ING5: variants seen among roughly 807,000 people sequenced by gnomAD.
ING5 encodes inhibitor of growth protein 5.
In ING5, 17 loss-of-function variants were observed where a neutral mutation model predicts 37.4. That is an observed-to-expected ratio of 0.45 (90% confidence interval 0.31 to 0.68). The LOEUF is 0.68. Among genes scored for constraint, ING5 ranks in the 30% least tolerant of loss-of-function variants. The pLI is 0.05. For synonymous variants in ING5, 123 were observed against 116.6 expected (o/e 1.06, Z -0.36); for missense variants, 233 against 311.9 (o/e 0.75, Z 1.91).
chr2:241,719,557 T>C (rs537299709), intron 5 of ING5: 1 of 1,536,150 alleles, frequency 6.5e-7, no homozygotes, highest in East Asian at 2.4e-5. Context: ...GTGCCTTTTC[T>C]GCGTGAAAGT....
chr2:241,693,878 C>T (rs1044888209), intron 2 of ING5, among the ~76,000 whole-genome samples: 2 of 150,850 alleles, frequency 1.3e-5, no homozygotes, highest in Admixed American at 6.6e-5. Flanking sequence ...AGGCTGGTCT[C>T]GAACTCCTGA....
At chr2:241,690,894 C>A (rs147840906) in intron 2 of ING5, among the ~76,000 whole-genome samples, 1 of 151,706 alleles carries the variant, frequency 6.6e-6, no homozygotes, top group Non-Finnish European at 1.5e-5. Context: ...GCAACATCCA[C>A]CTCCTAGGTT....
exon 1 of ING5, chr2:241,687,288 G>T (rs2069452199): frequency 2.5e-6 from 1 of 398,384 alleles, no homozygotes; most frequent in South Asian, 1.3e-4. Flanking sequence ...GAACGAGCGA[G>T]ATGCTTCCCG....
chr2:241,699,420 AGCTT>A (rs1467932077), upstream of ING5, among the ~76,000 whole-genome samples: 1 of 152,062 alleles, frequency 6.6e-6, no homozygotes, highest in African/African-American at 2.4e-5. Context: ...AGGGGGACAT[AGCTT>A]GTTTTTTTAG....
At chr2:241,702,451 CGGCCCCGCCA>C (rs1209751881) in intron 1 of ING5, among the ~76,000 whole-genome samples, 1 of 151,988 alleles carries the variant, frequency 6.6e-6, no homozygotes, top group Non-Finnish European at 1.5e-5. Context: ...GCTCCGGCCC[CGGCCCCGCCA>C]GGTCCCGCCC....
upstream of ING5, among the ~76,000 whole-genome samples, chr2:241,699,040 G>A (rs539378231): frequency 2.3e-5 from 3 of 131,644 alleles, no homozygotes; most frequent in East Asian, 2.3e-4. Context: ...TTTTTTTTTG[G>A]GGGGGGAGGG....
intron 5 of ING5, chr2:241,720,132 G>A (rs529756393): frequency 3.6e-5 from 45 of 1,237,940 alleles, no homozygotes; most frequent in Non-Finnish European, 4.1e-5. Context: ...AGGACCAGTC[G>A]GTTGGACCCA....
chr2:241,701,452 G>A (rs1257896724), upstream of ING5, among the ~76,000 whole-genome samples: 2 of 152,218 alleles, frequency 1.3e-5, no homozygotes, highest in East Asian at 1.9e-4. Context: ...TTCCTCGGAG[G>A]GAAGGGGCGG....
intron 3 of ING5, among the ~76,000 whole-genome samples, chr2:241,710,880 T>C (rs573297125): frequency 6.6e-5 from 10 of 152,298 alleles, no homozygotes; most frequent in Non-Finnish European, 1.0e-4. Flanking sequence ...CCCAGAGTGC[T>C]GGGACTACAG....
chr2:241,696,903 G>A (rs749474023), intron 2 of ING5, among the ~76,000 whole-genome samples: 2 of 151,996 alleles, frequency 1.3e-5, no homozygotes, highest in African/African-American at 4.8e-5. Context: ...CCAATGTGGC[G>A]AAACCTTGTC....
intron 1 of ING5, among the ~76,000 whole-genome samples, chr2:241,689,547 G>T (rs2069515894): frequency 6.6e-6 from 1 of 152,164 alleles, no homozygotes; most frequent in Non-Finnish European, 1.5e-5. Flanking sequence ...TCTGCCCCCA[G>T]CATGAACACA....
At chr2:241,724,320 C>A (rs948864017) in intron 7 of ING5, among the ~76,000 whole-genome samples, 1 of 152,154 alleles carries the variant, frequency 6.6e-6, no homozygotes, top group African/African-American at 2.4e-5. Context: ...TGCCCCACGC[C>A]GTGCGGCTGG....
intron 2 of ING5, among the ~76,000 whole-genome samples, chr2:241,692,047 C>T (rs2069564371): frequency 6.6e-6 from 1 of 151,748 alleles, no homozygotes. Flanking sequence ...GACCTTGTCT[C>T]AATTTTTAAA....
At chr2:241,723,112 G>GT in intron 6 of ING5, 38 bp downstream of exon 6, 2 of 1,614,180 alleles carry the variant, frequency 1.2e-6, no homozygotes, top group East Asian at 4.5e-5. Flanking sequence ...ATGGGGCGGG[G>GT]TCTTGTGTGG....
At chr2:241,698,105 A>G (rs1224027621), upstream of ING5, among the ~76,000 whole-genome samples, 1 of 149,374 alleles carries the variant, frequency 6.7e-6, no homozygotes, top group East Asian at 2.0e-4. Context: ...AAAAAAGCAC[A>G]AGGCAGAATG....
chr2:241,702,378 C>G (rs1196618893), intron 1 of ING5, among the ~76,000 whole-genome samples: 1 of 148,846 alleles, frequency 6.7e-6, no homozygotes, highest in Non-Finnish European at 1.5e-5. Context: ...GGGCTTGCGG[C>G]CTCGACCCCG....
intron 5 of ING5, chr2:241,719,820 T>C (rs1211746103): frequency 1.4e-6 from 2 of 1,416,442 alleles, no homozygotes; most frequent in East Asian, 2.5e-5. Flanking sequence ...CAGCACTGTT[T>C]AGTAGCAATG....
chr2:241,723,135 G>T lies in ING5; in HGVS notation c.618+61G>T. On this transcript the variant is annotated intron_variant, in intron 6 of 7. Coordinates refer to ENST00000313552, the MANE Select transcript of ING5 (RefSeq NM_032329.6). ...GGGTCTTGTGTGGGGCAGGGCTGGCGGATGTTGGCATTTCTTGTGTTTTGC... is the reference window on the plus strand; with the variant it reads ...GGGTCTTGTGTGGGGCAGGGCTGGCTGATGTTGGCATTTCTTGTGTTTTGC... The T allele has an allele frequency of 1.9e-6, 3 of 1,613,732 alleles. No homozygotes were observed. The South Asian group carries it at 3.3e-5, about 18-fold the overall frequency.
At chr2:241,704,849 G>T in intron 2 of ING5, 125 bp downstream of exon 2, 1 of 756,150 alleles carries the variant, frequency 1.3e-6, no homozygotes. Flanking sequence ...CCTAGCCCTG[G>T]GCCGTGGGTA....
Sources: gnomAD v4.1 joint callset for allele counts (sites outside exome capture counted in the v4.1 genomes callset) on GRCh38, gnomAD v4.1.1 for gene constraint, MANE v1.5 for transcripts, NCBI Gene and HGNC (gene_info 2026-07-23, HGNC 2026-07-21) for gene names.